IDO1: variants seen among roughly 807,000 people sequenced by gnomAD.
IDO1 encodes indolamine 2,3 dioxygenase.
Under a neutral mutation model 38.8 loss-of-function variants are expected in IDO1, and 35 were observed. The ratio of observed to expected loss-of-function variants is 0.90; its 90% CI spans 0.69 to 1.20. IDO1 has a LOEUF of 1.20. Among genes scored for constraint, IDO1 ranks in the 50% most tolerant of loss-of-function variants. The pLI is 0.00. For synonymous variants in IDO1, 171 were observed against 170.0 expected, an observed-to-expected ratio of 1.01 and a Z score of -0.05; for missense variants, 509 against 485.1, an observed-to-expected ratio of 1.05 and a Z score of -0.46.
intron 6 of IDO1, 55 bp from the exon 7 acceptor site, chr8:39,923,414 A>C: frequency 8.7e-7 from 1 of 1,153,740 alleles, no homozygotes; most frequent in Non-Finnish European, 1.3e-6. Flanking sequence ...AAAAAAAAAA[A>C]AAAAAAAGAA....
intron 5 of IDO1, among the ~76,000 whole-genome samples, chr8:39,921,933 G>A (rs1203892964): frequency 2.0e-5 from 3 of 152,136 alleles, no homozygotes; most frequent in Admixed American, 1.3e-4. Context: ...AGAAGTTGAC[G>A]GGATAATAGA....
intron 4 of IDO1, 84 bp downstream of exon 4, chr8:39,919,017 G>A: frequency 1.1e-6 from 1 of 871,114 alleles, no homozygotes; most frequent in Non-Finnish European, 2.0e-6. Context: ...CTTAATTTTG[G>A]GCAGCGCAGC....
chr8:39,921,027 T>G (rs540649451), intron 5 of IDO1: 50 of 152,230 alleles, frequency 3.3e-4, no homozygotes, highest in African/African-American at 1.2e-3. Context: ...TTGAAGCAAG[T>G]TATTTGAGGA....
rs1476838284 is a variant in IDO1, at chr8:39,928,701, C to T, written c.*516C>T. 6.7e-6 allele frequency among the ~76,000 whole-genome samples: 1 copy of T among 150,234 alleles called. No individual in the cohort carries two copies. On this transcript the variant is annotated 3_prime_UTR_variant, in exon 10 of 10. Transcript: ENST00000518237. ...TGAGCCAAGATTGTGCCACTGCAAT[C>T]CGGCCTGGGCTAAAGAGCGGGACTC... is the stretch of plus-strand genomic sequence containing the variant.
In IDO1 at chr8:39,928,753, A is replaced by T. The variant is rs1014032511; in HGVS notation, c.*568A>T. On this transcript the variant is annotated 3_prime_UTR_variant, in exon 10 of 10. Transcript: ENST00000518237. ...GTCTCAAAAAAAAAAAAAAAAAGAT[A>T]TATTCTGTCATAATAAATAAAAATG... 1.1e-4 allele frequency among the ~76,000 whole-genome samples: 16 copies of T among 151,590 alleles called. No individual in the cohort carries two copies. The highest frequency in any genetic ancestry group is 2.0e-4 in the Admixed American group (3 of 15,194).
At position 39,920,024 on chromosome 8, in the gene IDO1, T is replaced by A. The variant is rs1181602342; in HGVS notation, c.423-76T>A. 4.0e-6 allele frequency: 5 copies of A among 1,241,682 alleles called. No individual in the cohort carries two copies. In the African/African-American group the frequency reaches 5.9e-5, roughly 15 times the overall value. 76.9% of individuals were successfully genotyped at this position (1,241,682 alleles called of 1,614,324 possible). A position where few individuals can be genotyped will look rare whatever the true frequency, so the allele number is the denominator to read the frequency against. Reference sequence around the variant, plus strand: ...TAGCATTCAATCAAATAGCAACAACTCATCATTATTTGATGTTAAATTGGT... The same window carrying A: ...TAGCATTCAATCAAATAGCAACAACACATCATTATTTGATGTTAAATTGGT... On this transcript the variant is annotated intron_variant, in intron 4 of 9. Coordinates refer to ENST00000518237, the MANE Select transcript of IDO1 (RefSeq NM_002164.6).
At chr8:39,927,288 C>T (rs755528047) in intron 9 of IDO1, among the ~76,000 whole-genome samples, 8 of 152,298 alleles carry the variant, frequency 5.3e-5, no homozygotes, top group South Asian at 2.1e-4. Flanking sequence ...AGGCCAGGCG[C>T]GGTGGCTCAT....
intron 4 of IDO1, chr8:39,919,164 G>T: frequency 1.5e-6 from 1 of 656,778 alleles, no homozygotes; most frequent in Non-Finnish European, 2.8e-6. Context: ...AATCTTAAGT[G>T]TTCAGCTTGA....
intron 1 of IDO1, 138 bp from the exon 2 acceptor site, chr8:39,917,737 C>T (rs1468152130): frequency 3.2e-6 from 2 of 619,492 alleles, no homozygotes; most frequent in East Asian, 5.5e-5. Context: ...AAGACAGAGG[C>T]TGGTGTTTCC....
intron 6 of IDO1, chr8:39,923,019 C>T (rs1158078676): frequency 9.4e-6 from 2 of 213,062 alleles, no homozygotes; most frequent in Non-Finnish European, 1.9e-5. Context: ...AAAACAAATC[C>T]AAGCTTCTAT....
rs370251807 is a variant in IDO1, at chr8:39,928,045, G to A, written c.1072G>A (p.Ala358Thr). ...CGTGACTAAGTACATCCTGATTCCT[G>A]CAAGCCAGCAGCCAAAGGAGAATAA... is the stretch of plus-strand genomic sequence containing the variant. ...QIVTKYILIP[A>T]SQQPKENKTS... The change falls in exon 10 of 10, where the codon GCA (alanine) becomes ACA (threonine). Residue 358 changes from alanine (A) to threonine (T), a missense_variant. Transcript: ENST00000518237. 109 of 1,609,294 alleles carry A rather than the reference G, an allele frequency of 6.8e-5. No individual in the cohort carries two copies. Among genetic ancestry groups the A allele is most frequent in the Non-Finnish European group, 8.7e-5 (102 of 1,177,842 alleles).
At chr8:39,917,155 A>T (rs1180267666) in intron 1 of IDO1, among the ~76,000 whole-genome samples, 2 of 152,218 alleles carry the variant, frequency 1.3e-5, no homozygotes, top group Non-Finnish European at 2.9e-5. Flanking sequence ...TGACATTTAA[A>T]ACATCTCATT....
chr8:39,925,197 C>T (rs1228873137), intron 8 of IDO1, 26 bp from the exon 9 acceptor site: 2 of 1,553,956 alleles, frequency 1.3e-6, no homozygotes, highest in Admixed American at 2.1e-5. Context: ...AATGATTTTT[C>T]TTTTTTTCTT....
chr8:39,918,162 C>T lies in IDO1; in HGVS notation c.258C>T (p.Ile86=), dbSNP rs1807207349. 1.9e-6 allele frequency: 3 copies of T among 1,613,850 alleles called. No homozygotes were observed. The highest frequency in any genetic ancestry group is 1.7e-5 in the Admixed American group (1 of 60,004). ...QRLARLVLGC[I]TMAYVWGKGH... is the part of the protein sequence containing the mutation. ...TTGCACGTCTAGTTCTGGGATGCAT[C>T]ACCATGGCATATGTGTGGGGCAAAG... The change falls in exon 3 of 10, where the codon ATC becomes ATT. Residue 86 remains isoleucine, a synonymous_variant. Coordinates refer to ENST00000518237, the MANE Select transcript of IDO1 (RefSeq NM_002164.6).
intron 5 of IDO1, chr8:39,920,487 A>G (rs760645126): frequency 1.1e-5 from 2 of 178,910 alleles, no homozygotes; most frequent in Non-Finnish European, 2.3e-5. Flanking sequence ...TTTTGACCCA[A>G]TCCTTACTAC....
intron 4 of IDO1, 58 bp from the exon 5 acceptor site, chr8:39,920,042 A>C: frequency 1.4e-6 from 2 of 1,480,734 alleles, no homozygotes; most frequent in South Asian, 2.3e-5. Flanking sequence ...ATTTGATGTT[A>C]AATTGGTTTT....
At position 39,918,120 on chromosome 8, in the gene IDO1, C is replaced by T. The variant is rs568434333; in HGVS notation, c.216C>T (p.Asp72=). The T allele has an allele frequency of 1.9e-6, 3 of 1,613,942 alleles. No individual in the cohort carries two copies. Among genetic ancestry groups the T allele is most frequent in the African/African-American group, 2.7e-5 (2 of 75,026 alleles). Reference sequence around the variant, plus strand: ...TGCTCAGCATTGATCATCTCACAGACCACAAGTCACAGCGCCTTGCACGTC... The same window carrying T: ...TGCTCAGCATTGATCATCTCACAGATCACAAGTCACAGCGCCTTGCACGTC... ...LNMLSIDHLT[D]HKSQRLARLV... The change falls in exon 3 of 10, where the codon GAC becomes GAT. Residue 72 remains aspartate, a synonymous_variant. Transcript: ENST00000518237.
rs980306872 is a variant in IDO1, at chr8:39,918,191, A to G, written c.287A>G (p.His96Arg). The stretch of plus-strand genomic sequence containing the variant: ...ATGGCATATGTGTGGGGCAAAGGTC[A>G]TGGAGATGTCCGTAAGGTTTGGAGA... ...ITMAYVWGKG[H>R]GDVRKVLPRN... Residue 96 changes from histidine to arginine, a missense_variant, in exon 3 of 10, where the codon CAT becomes CGT. By Grantham distance (29) the His-to-Arg change is conservative (BLOSUM62 0). Transcript: ENST00000518237. 1 of 1,612,870 alleles carries G rather than the reference A, an allele frequency of 6.2e-7. No individual in the cohort carries two copies. The highest frequency in any genetic ancestry group is 8.5e-7 in the Non-Finnish European group (1 of 1,178,934).
At chr8:39,918,303 C>A in intron 3 of IDO1, 96 bp downstream of exon 3, 1 of 1,265,048 alleles carries the variant, frequency 7.9e-7, no homozygotes, top group Admixed American at 2.2e-5. Context: ...ATTATAACTG[C>A]ATCATGCAAA....
Sources: gnomAD v4.1 joint callset for allele counts (sites outside exome capture counted in the v4.1 genomes callset) on GRCh38, gnomAD v4.1.1 for gene constraint, MANE v1.5 for transcripts, NCBI Gene and HGNC (gene_info 2026-07-23, HGNC 2026-07-21) for gene names.